Variants in EPB41L3 observed in about 807,000 individuals in gnomAD.
The protein encoded by EPB41L3 is band 4.1-like protein 3.
A neutral mutation model predicts 127.1 loss-of-function variants in EPB41L3; 57 were observed. That is an observed-to-expected ratio of 0.45 (90% confidence interval 0.36 to 0.56). EPB41L3 has a LOEUF of 0.56. Among genes scored for constraint, EPB41L3 ranks in the 20% least tolerant of loss-of-function variants. The probability of loss-of-function intolerance (pLI) is 0.00; values close to 1 mark genes in which losing one functional copy is unlikely to be tolerated. For synonymous variants in EPB41L3, 572 were observed against 549.5 expected, an observed-to-expected ratio of 1.04 and a Z score of -0.57; for missense variants, 1,273 against 1,372.2, an observed-to-expected ratio of 0.93 and a Z score of 1.14.
rs79029163 is a variant in EPB41L3, at chr18:5,448,047, C to A, written c.382-2803G>T. Among the ~76,000 whole-genome samples, 496 of 152,276 alleles carry A rather than the reference C, an allele frequency of 3.3e-3. 1 individual carries two copies. Among genetic ancestry groups the A allele is most frequent in the Middle Eastern group, 6.8e-3 (2 of 294 alleles). ...GCTAAATATCAGCATGGCCACCAGCCAGCTGGATGACTATGGAAAAGGCTT... is the reference window on the plus strand; with the variant it reads ...GCTAAATATCAGCATGGCCACCAGCAAGCTGGATGACTATGGAAAAGGCTT... On this transcript the variant is annotated intron_variant, in intron 3 of 22. Transcript: ENST00000341928.
intron 8 of EPB41L3, chr18:5,431,380 G>C (rs1231228560): frequency 6.6e-6 from 1 of 152,220 alleles, no homozygotes; most frequent in Non-Finnish European, 1.5e-5. Flanking sequence ...AAATGATGGA[G>C]TTTGGCTGCA....
At chr18:5,401,533 T>G (rs925416508) in intron 16 of EPB41L3, among the ~76,000 whole-genome samples, 3 of 152,176 alleles carry the variant, frequency 2.0e-5, no homozygotes, top group Non-Finnish European at 4.4e-5. Flanking sequence ...ACAATGTCAC[T>G]GCATTAGCCA....
At chr18:5,494,972 C>G (rs1354074876) in intron 1 of EPB41L3, among the ~76,000 whole-genome samples, 3 of 152,158 alleles carry the variant, frequency 2.0e-5, no homozygotes, top group Non-Finnish European at 2.9e-5. Context: ...AACTGGGCTT[C>G]TCCATTGTTT....
chr18:5,498,594 C>CAAAAAAAAAAAAAAAAA (rs397828412), intron 1 of EPB41L3, among the ~76,000 whole-genome samples: 1 of 70,502 alleles, frequency 1.4e-5, no homozygotes, highest in Non-Finnish European at 2.4e-5. Context: ...GACTCCATCT[C>CAAAAAAAAAAAAAAAAA]AAAAAAAAAA....
intron 3 of EPB41L3, among the ~76,000 whole-genome samples, chr18:5,561,625 C>G (rs1194185099): frequency 6.6e-6 from 1 of 152,130 alleles, no homozygotes; most frequent in East Asian, 1.9e-4. Context: ...CATTAGAAAA[C>G]CACAGTAATA....
At position 5,392,701 on chromosome 18, in the gene EPB41L3, T is replaced by A. The variant is rs1455967988; in HGVS notation, c.*784A>T. 6.6e-6 allele frequency: 1 copy of A among 152,532 alleles called. No individual in the cohort carries two copies. Among genetic ancestry groups the A allele is most frequent in the Non-Finnish European group, 1.5e-5 (1 of 68,020 alleles). 9.4% of individuals were successfully genotyped at this position (152,532 alleles called of 1,614,324 possible). On this transcript the variant is annotated 3_prime_UTR_variant, in exon 23 of 23. Coordinates refer to ENST00000341928, the MANE Select transcript of EPB41L3 (RefSeq NM_012307.5). ...GGAAGCCCAGCAGTTTCTCCTGAAG[T>A]GAAATTTCATAATATTGTAAACTAA...
In EPB41L3 at chr18:5,424,242, A is replaced by C. The variant is rs1568104573; in HGVS notation, c.1163+20T>G. On this transcript the variant is annotated intron_variant, in intron 10 of 22. Transcript: ENST00000341928. Reference sequence around the variant, plus strand: ...ATTATAATTATTCCTTAGGGAAAAAACAAAATAATCTCTTCCTACCTGAAA... The same window carrying C: ...ATTATAATTATTCCTTAGGGAAAAACCAAAATAATCTCTTCCTACCTGAAA... 2 of 1,523,336 alleles carry C rather than the reference A, an allele frequency of 1.3e-6. No individual in the cohort carries two copies. Among genetic ancestry groups the C allele is most frequent in the Non-Finnish European group, 1.8e-6 (2 of 1,132,596 alleles). The allele number at this position is 1,523,336 out of a possible 1,614,324, so 94.4% of individuals were successfully genotyped here.
chr18:5,514,374 C>T (rs1162013218), intron 1 of EPB41L3, among the ~76,000 whole-genome samples: 2 of 152,254 alleles, frequency 1.3e-5, no homozygotes, highest in South Asian at 2.1e-4. Flanking sequence ...TAATTTAAAA[C>T]CATAACCAAA....
chr18:5,496,228 T>C (rs548169725), intron 1 of EPB41L3, among the ~76,000 whole-genome samples: 1 of 152,210 alleles, frequency 6.6e-6, no homozygotes, highest in Non-Finnish European at 1.5e-5. Context: ...TTAGAATATA[T>C]AGAGAGAGAT....
rs1050605961 is a variant in EPB41L3, at chr18:5,397,947, T to C, written c.2472+74A>G. ...AAGCCAGCTGGATGCAACCACACACTCACGCCCAAAAAAAGGGTAAGGAAA... is the reference window on the plus strand; with the variant it reads ...AAGCCAGCTGGATGCAACCACACACCCACGCCCAAAAAAAGGGTAAGGAAA... On this transcript the variant is annotated intron_variant, in intron 17 of 22. Transcript: ENST00000341928. This position sits in a 1 kb window ranked among gnomAD's most constrained non-coding sequence, Gnocchi z 4.1. 34 of 1,593,776 alleles carry C rather than the reference T, an allele frequency of 2.1e-5. No homozygotes were observed. The highest frequency in any genetic ancestry group is 2.8e-5 in the Non-Finnish European group (33 of 1,165,886).
At chr18:5,444,751 G>A (rs186837950) in intron 4 of EPB41L3, among the ~76,000 whole-genome samples, 9 of 152,208 alleles carry the variant, frequency 5.9e-5, no homozygotes, top group Admixed American at 3.3e-4. Flanking sequence ...TCATAATATC[G>A]TCATAGAATT....
At position 5,551,436 on chromosome 18, in the gene EPB41L3, C is replaced by T. The variant is rs116101350; in HGVS notation, c.-306+60904G>A. Among the ~76,000 whole-genome samples the T allele has an allele frequency of 4.3e-3, 648 of 152,192 alleles. 5 individuals are homozygous for T. Among genetic ancestry groups the T allele is most frequent in the African/African-American group, 0.014 (592 of 41,510 alleles). ...GTGGGGGGATTTTTTAAAAAACATC[C>T]GCTGAAGGCTGGGCACGGTGGCTCG... On this transcript the variant is annotated intron_variant, in intron 3 of 21. Coordinates refer to the EPB41L3 transcript ENST00000545076.
chr18:5,495,926 T>C (rs1302090980), intron 1 of EPB41L3, among the ~76,000 whole-genome samples: 1 of 152,178 alleles, frequency 6.6e-6, no homozygotes, highest in Non-Finnish European at 1.5e-5. Context: ...CTGATCCTAC[T>C]GACAAGGCCC....
At chr18:5,452,135 C>G (rs1055538139) in intron 3 of EPB41L3, among the ~76,000 whole-genome samples, 1 of 152,166 alleles carries the variant, frequency 6.6e-6, no homozygotes. Flanking sequence ...TGAGCCACCA[C>G]GCCTGGCTGA....
chr18:5,492,830 G>A (rs1023330283), intron 1 of EPB41L3, among the ~76,000 whole-genome samples: 5 of 152,296 alleles, frequency 3.3e-5, no homozygotes, highest in African/African-American at 9.6e-5. Flanking sequence ...CAGATGGCAA[G>A]AGGAGTCCTT....
chr18:5,443,493 T>C (rs2081070769), intron 5 of EPB41L3, among the ~76,000 whole-genome samples: 1 of 152,228 alleles, frequency 6.6e-6, no homozygotes, highest in Non-Finnish European at 1.5e-5. Flanking sequence ...TTCAAAGCTA[T>C]GAAATGATTA....
rs35194563 is a variant in EPB41L3, at chr18:5,499,829, G to GTATATATATATA, written c.-11-10647_-11-10636dup. On this transcript the variant is annotated intron_variant, in intron 1 of 22. Transcript: ENST00000341928. ...CCTACTACATACTTACTATGTGTGT[G>GTATATATATATA]TATATATATATATATATATGGCATT... 2.2e-3 allele frequency among the ~76,000 whole-genome samples: 275 copies of GTATATATATATA among 124,652 alleles called. 3 individuals are homozygous for GTATATATATATA. The highest frequency in any genetic ancestry group is 8.0e-3 in the African/African-American group (259 of 32,198). 81.8% of individuals were successfully genotyped at this position (124,652 alleles called of 152,430 possible). A position where few individuals can be genotyped will look rare whatever the true frequency, so the allele number is the denominator to read the frequency against.
chr18:5,431,631 C>T (rs754143639), intron 8 of EPB41L3, among the ~76,000 whole-genome samples: 2 of 152,052 alleles, frequency 1.3e-5, no homozygotes, highest in Non-Finnish European at 2.9e-5. Context: ...AATGCATATC[C>T]TAATCTTTTA....
intron 8 of EPB41L3, among the ~76,000 whole-genome samples, 192 bp downstream of exon 8, chr18:5,433,277 G>A (rs1411913240): frequency 2.6e-5 from 4 of 152,160 alleles, no homozygotes; most frequent in Admixed American, 2.6e-4. Flanking sequence ...GACACAAAGA[G>A]CAAACCCCTC....
Sources: gnomAD v4.1 joint callset for allele counts (sites outside exome capture counted in the v4.1 genomes callset) on GRCh38, gnomAD v4.1.1 for gene constraint, Gnocchi (gnomAD v3.1) non-coding constraint, MANE v1.5 for transcripts, NCBI Gene and HGNC (gene_info 2026-07-23, HGNC 2026-07-21) for gene names.